Variants in DLGAP2 observed in about 807,000 individuals in gnomAD.
The protein encoded by DLGAP2 is DLG associated protein 2.
Under a neutral mutation model 100.3 loss-of-function variants are expected in DLGAP2, and 26 were observed. That is an observed-to-expected ratio of 0.26 (90% confidence interval 0.19 to 0.36). DLGAP2 has a LOEUF of 0.36. DLGAP2 is among the 10% of genes least tolerant of loss of function. The pLI is 1.00. For missense variants in DLGAP2, 1,858 were observed against 1,453.2 expected (o/e 1.28, Z -4.53); for synonymous variants, 886 against 630.1 (o/e 1.41, Z -6.08).
chr8:794,415 A>T (rs940483011), intron 1 of DLGAP2, among the ~76,000 whole-genome samples: 3 of 152,210 alleles, frequency 2.0e-5, no homozygotes, highest in Non-Finnish European at 4.4e-5. Context: ...ATTTACCTGC[A>T]TATTTATTAA....
At chr8:1,320,717 C>A (rs1442223623) in intron 3 of DLGAP2, among the ~76,000 whole-genome samples, 1 of 152,216 alleles carries the variant, frequency 6.6e-6, no homozygotes, top group African/African-American at 2.4e-5. Flanking sequence ...CTTGTGCACA[C>A]CCACCCCAGT....
intron 6 of DLGAP2, among the ~76,000 whole-genome samples, chr8:1,595,931 T>A (rs530692015): frequency 6.6e-6 from 1 of 152,192 alleles, no homozygotes; most frequent in African/African-American, 2.4e-5. Flanking sequence ...GGCAGGTTTG[T>A]TACATATGTA....
chr8:1,064,852 A>G (rs1169585373), intron 2 of DLGAP2, among the ~76,000 whole-genome samples: 1 of 152,176 alleles, frequency 6.6e-6, no homozygotes, highest in Non-Finnish European at 1.5e-5. Context: ...CCACCCTGAC[A>G]TGCACACACC....
intron 1 of DLGAP2, among the ~76,000 whole-genome samples, chr8:900,435 T>A (rs1798230064): frequency 6.6e-6 from 1 of 152,234 alleles, no homozygotes; most frequent in Non-Finnish European, 1.5e-5. Flanking sequence ...GAGGCCCACA[T>A]CCTCTCACTC....
intron 10 of DLGAP2, among the ~76,000 whole-genome samples, chr8:1,671,994 G>A (rs1034795367): frequency 1.3e-5 from 2 of 152,198 alleles, no homozygotes; most frequent in African/African-American, 4.8e-5. Context: ...GACCATTTGT[G>A]TATTCACTTT....
chr8:1,644,434 A>G (rs968628983), intron 8 of DLGAP2, among the ~76,000 whole-genome samples: 3 of 152,076 alleles, frequency 2.0e-5, no homozygotes, highest in Non-Finnish European at 2.9e-5. Context: ...TCGCACCTCC[A>G]TGCCTCTACG....
chr8:1,250,816 C>T (rs1001911160), intron 2 of DLGAP2, among the ~76,000 whole-genome samples: 4 of 152,168 alleles, frequency 2.6e-5, no homozygotes, highest in Non-Finnish European at 5.9e-5. Context: ...CATTGGAGCA[C>T]ACTTATGTCG....
At position 1,178,019 on chromosome 8, in the gene DLGAP2, G is replaced by A. The variant is rs191718364; in HGVS notation, c.74-80832G>A. 7.0e-3 allele frequency among the ~76,000 whole-genome samples: 1,061 copies of A among 152,354 alleles called. 14 individuals are homozygous for A. The highest frequency in any genetic ancestry group is 0.024 in the African/African-American group (986 of 41,588). On this transcript the variant is annotated intron_variant, in intron 2 of 14. Transcript: ENST00000637795. ...TGTGGCCGTGGCCAGTGGTGGTGAAGGGATTCGGCCATGGCCAGTGGTGGT... is the reference window on the plus strand; with the variant it reads ...TGTGGCCGTGGCCAGTGGTGGTGAAAGGATTCGGCCATGGCCAGTGGTGGT...
intron 1 of DLGAP2, among the ~76,000 whole-genome samples, chr8:858,095 G>T (rs1461487894): frequency 3.3e-5 from 5 of 152,176 alleles, no homozygotes; most frequent in Admixed American, 3.3e-4. Context: ...CACCTCAGAT[G>T]ATCCACCCGC....
At chr8:1,692,477 A>AGC (rs1554432691) in intron 13 of DLGAP2, among the ~76,000 whole-genome samples, 4 of 149,636 alleles carry the variant, frequency 2.7e-5, no homozygotes, top group East Asian at 2.0e-4. Context: ...CCCTGGTTTA[A>AGC]GCAGTACCGA....
chr8:1,562,320 C>T (rs1388239001), intron 5 of DLGAP2, among the ~76,000 whole-genome samples: 5 of 23,576 alleles, frequency 2.1e-4, no homozygotes, highest in African/African-American at 1.1e-3. Flanking sequence ...TTGGGGTGTC[C>T]GCGCCTCGTT....
At chr8:1,087,797 C>G (rs144609949) in intron 2 of DLGAP2, among the ~76,000 whole-genome samples, 17 of 152,334 alleles carry the variant, frequency 1.1e-4, no homozygotes, top group African/African-American at 4.1e-4. Context: ...TTTACTGTCT[C>G]CTGACCCTCC....
chr8:1,134,847 T>A (rs962152102), intron 2 of DLGAP2, among the ~76,000 whole-genome samples: 1 of 152,088 alleles, frequency 6.6e-6, no homozygotes, highest in Non-Finnish European at 1.5e-5. Flanking sequence ...GAGAACTCAC[T>A]ATCATGGGAA....
chr8:1,592,573 C>T (rs1796324361), intron 6 of DLGAP2, among the ~76,000 whole-genome samples: 1 of 152,080 alleles, frequency 6.6e-6, no homozygotes, highest in Non-Finnish European at 1.5e-5. Context: ...CGAGGGGGTT[C>T]CCACCACGGA....
intron 2 of DLGAP2, among the ~76,000 whole-genome samples, chr8:1,217,102 C>T (rs1360520578): frequency 6.6e-6 from 1 of 152,114 alleles, no homozygotes; most frequent in African/African-American, 2.4e-5. Context: ...CAACACTCTC[C>T]CTCCTGCCAC....
chr8:832,160 G>A (rs532993977), intron 1 of DLGAP2, among the ~76,000 whole-genome samples: 3 of 152,232 alleles, frequency 2.0e-5, no homozygotes, highest in South Asian at 4.1e-4. Flanking sequence ...ACATTCTGTA[G>A]GTTGCCTTTT....
intron 3 of DLGAP2, among the ~76,000 whole-genome samples, chr8:1,408,865 A>G (rs905096341): frequency 6.6e-6 from 1 of 152,098 alleles, no homozygotes; most frequent in Non-Finnish European, 1.5e-5. Flanking sequence ...GGGCACAGAG[A>G]AGAAAGCTGG....
chr8:1,486,565 T>G (rs190906386), intron 3 of DLGAP2, among the ~76,000 whole-genome samples: 1 of 152,300 alleles, frequency 6.6e-6, no homozygotes, highest in African/African-American at 2.4e-5. Flanking sequence ...CTCGGTTTCC[T>G]TAGGAACAGT....
At chr8:849,781 T>G (rs1307517081) in intron 1 of DLGAP2, among the ~76,000 whole-genome samples, 2 of 152,144 alleles carry the variant, frequency 1.3e-5, no homozygotes, top group African/African-American at 4.8e-5. Flanking sequence ...TTTTCTCACT[T>G]AAAAAAGCTA....
Sources: gnomAD v4.1 joint callset for allele counts (sites outside exome capture counted in the v4.1 genomes callset) on GRCh38, gnomAD v4.1.1 for gene constraint, MANE v1.5 for transcripts, NCBI Gene and HGNC (gene_info 2026-07-23, HGNC 2026-07-21) for gene names.